TBCK: variants seen among roughly 807,000 people sequenced by gnomAD.
TBCK encodes the protein TBC1 domain containing kinase.
TBCK carries 99 observed loss-of-function variants against 113.4 expected under a neutral mutation model. The observed-to-expected ratio is 0.87, with a 90% CI of 0.74 to 1.03. The LOEUF (loss-of-function observed/expected upper bound fraction) is 1.03, where lower values mean the gene tolerates loss of function less well. TBCK is among the 50% of genes least tolerant of loss of function. The probability of loss-of-function intolerance (pLI) is 0.00; values close to 1 mark genes in which losing one functional copy is unlikely to be tolerated. For synonymous variants in TBCK, 369 were observed against 370.8 expected (o/e 1.00, Z 0.05); for missense variants, 1,045 against 1,061.3 (o/e 0.98, Z 0.21).
intron 23 of TBCK, among the ~76,000 whole-genome samples, chr4:106,143,232 A>C (rs1317740337): frequency 1.3e-5 from 2 of 152,178 alleles, no homozygotes; most frequent in African/African-American, 4.8e-5. Flanking sequence ...ACTCTAGTGC[A>C]ACTCTTATCT....
intron 3 of TBCK, among the ~76,000 whole-genome samples, chr4:106,290,183 A>G (rs1765542601): frequency 1.3e-5 from 2 of 151,886 alleles, no homozygotes; most frequent in African/African-American, 4.8e-5. Context: ...TATTTTATTT[A>G]TTTATTTATT....
At chr4:106,265,119 A>T (rs894096602) in intron 3 of TBCK, among the ~76,000 whole-genome samples, 1 of 151,934 alleles carries the variant, frequency 6.6e-6, no homozygotes, top group Admixed American at 6.6e-5. Flanking sequence ...GAAGACTCAC[A>T]TGTTCCATTA....
chr4:106,271,397 A>G (rs1334539277), intron 3 of TBCK, among the ~76,000 whole-genome samples: 1 of 152,128 alleles, frequency 6.6e-6, no homozygotes, highest in Non-Finnish European at 1.5e-5. Flanking sequence ...TTCTTGTGCA[A>G]TATCTGCAAT....
chr4:106,297,259 A>G (rs1424958689), intron 2 of TBCK, among the ~76,000 whole-genome samples: 1 of 152,152 alleles, frequency 6.6e-6, no homozygotes, highest in Non-Finnish European at 1.5e-5. Context: ...GCTTTAATAT[A>G]AAAGTCACCT....
chr4:106,138,587 G>C (rs1046932269), intron 23 of TBCK, among the ~76,000 whole-genome samples: 1 of 141,072 alleles, frequency 7.1e-6, no homozygotes, highest in Non-Finnish European at 1.6e-5. Flanking sequence ...AGTGGAAGAG[G>C]TTACAGTAAG....
At chr4:106,169,682 T>A (rs1750770927) in intron 23 of TBCK, among the ~76,000 whole-genome samples, 2 of 152,192 alleles carry the variant, frequency 1.3e-5, no homozygotes, top group South Asian at 4.1e-4. Context: ...TCAAGCATAT[T>A]ACATTTATTG....
At chr4:106,137,425 G>A (rs369048151) in intron 23 of TBCK, among the ~76,000 whole-genome samples, 1 of 139,832 alleles carries the variant, frequency 7.2e-6, no homozygotes, top group East Asian at 2.0e-4. Flanking sequence ...GGTATTTCAA[G>A]CTCATGCAAG....
chr4:106,279,136 T>G (rs1420650460), intron 3 of TBCK, among the ~76,000 whole-genome samples: 2 of 152,138 alleles, frequency 1.3e-5, no homozygotes, highest in Non-Finnish European at 2.9e-5. Flanking sequence ...AAATTCAAAA[T>G]GTTCCTTTGA....
rs1195385451 is a variant in TBCK at position 106,042,199 on chromosome 4, TA to T, written c.*4370del. On this transcript the variant is annotated 3_prime_UTR_variant, in exon 26 of 26. Transcript: ENST00000394708. ...TCAACATTTATCAAGAAAAATGCATTATTTGGTTAATAACAGCTATATTTTG... is the reference window on the plus strand; with the variant it reads ...TCAACATTTATCAAGAAAAATGCATTTTTGGTTAATAACAGCTATATTTTG... The T allele has an allele frequency of 6.6e-6, 1 of 152,220 alleles. No individual in the cohort carries two copies. Among genetic ancestry groups the T allele is most frequent in the Non-Finnish European group, 1.5e-5 (1 of 68,032 alleles). 9.4% of individuals were successfully genotyped at this position (152,220 alleles called of 1,614,324 possible). A position where few individuals can be genotyped will look rare whatever the true frequency, so the allele number is the denominator to read the frequency against.
At chr4:106,057,036 G>C (rs1476693237) in intron 25 of TBCK, among the ~76,000 whole-genome samples, 2 of 151,758 alleles carry the variant, frequency 1.3e-5, no homozygotes, top group Non-Finnish European at 2.9e-5. Context: ...AGTAAGGAAA[G>C]AAAGTGACCA....
intron 22 of TBCK, among the ~76,000 whole-genome samples, chr4:106,192,955 T>C (rs1333906324): frequency 6.6e-6 from 1 of 152,150 alleles, no homozygotes; most frequent in Non-Finnish European, 1.5e-5. Context: ...TGCAAAAATA[T>C]AGATTTAGTT....
Position 106,232,041 on chromosome 4 carries a change from G to A in TBCK, c.1640-262C>T, listed in dbSNP as rs562080550. Among the ~76,000 whole-genome samples, 58 of 151,644 alleles carry A rather than the reference G, an allele frequency of 3.8e-4. 1 individual carries two copies. The highest frequency in any genetic ancestry group is 7.4e-5 in the Non-Finnish European group (5 of 67,720). ...GAAATACAATAATAGAAAAATGTAA[G>A]AATGTTACAATGCTTTGGATATTGT... On this transcript the variant is annotated intron_variant, in intron 17 of 25. Coordinates refer to ENST00000394708, the MANE Select transcript of TBCK (RefSeq NM_001163435.3).
chr4:106,101,674 G>A (rs1236426090), intron 24 of TBCK, among the ~76,000 whole-genome samples: 1 of 152,042 alleles, frequency 6.6e-6, no homozygotes, highest in African/African-American at 2.4e-5. Flanking sequence ...AAAATCAAAA[G>A]GTAAGAGTTT....
At position 106,055,807 on chromosome 4, in the gene TBCK, C is replaced by T. The variant is rs149879359; in HGVS notation, c.2572-9127G>A. ...CTTTTAAGGGTCTTTTCAACAATCT[C>T]TGAAACAAATACAAGTTATTAATAT... On this transcript the variant is annotated intron_variant, in intron 25 of 25. Coordinates refer to ENST00000394708, the MANE Select transcript of TBCK (RefSeq NM_001163435.3). 9.6e-3 allele frequency among the ~76,000 whole-genome samples: 1,450 copies of T among 151,218 alleles called. 20 individuals carry two copies. Among genetic ancestry groups the T allele is most frequent in the African/African-American group, 0.033 (1,377 of 41,236 alleles).
intron 23 of TBCK, among the ~76,000 whole-genome samples, chr4:106,159,356 A>G (rs1285267707): frequency 6.6e-6 from 1 of 152,132 alleles, no homozygotes; most frequent in Non-Finnish European, 1.5e-5. Context: ...CTGTTTGCAG[A>G]TGATGTGATC....
chr4:106,116,479 A>C (rs902160562), intron 23 of TBCK, 101 bp from the exon 24 acceptor site: 2 of 943,348 alleles, frequency 2.1e-6, no homozygotes, highest in African/African-American at 3.3e-5. Flanking sequence ...ACAGCATATA[A>C]GAGAAGAGGA....
intron 3 of TBCK, among the ~76,000 whole-genome samples, chr4:106,284,118 G>A (rs374333812): frequency 2.0e-5 from 3 of 152,036 alleles, no homozygotes; most frequent in Non-Finnish European, 1.5e-5. Flanking sequence ...TGTAAAACAG[G>A]AAGAGAATTA....
At chr4:106,191,186 T>C (rs1457938901) in intron 22 of TBCK, among the ~76,000 whole-genome samples, 1 of 152,166 alleles carries the variant, frequency 6.6e-6, no homozygotes, top group African/African-American at 2.4e-5. Flanking sequence ...CATTAGAAGT[T>C]ATCGCGAGAT....
chr4:106,100,845 A>G (rs1326573250), intron 24 of TBCK, among the ~76,000 whole-genome samples: 2 of 152,126 alleles, frequency 1.3e-5, no homozygotes, highest in African/African-American at 2.4e-5. Context: ...CTCATCCACA[A>G]TTCTTGTAAC....
Sources: allele counts gnomAD v4.1 joint callset (sites outside exome capture counted in the v4.1 genomes callset), GRCh38; gene constraint gnomAD v4.1.1; transcripts MANE v1.5; gene names NCBI Gene and HGNC (gene_info 2026-07-23, HGNC 2026-07-21).